Variants in KLRB1 observed in about 807,000 individuals in gnomAD.
KLRB1 encodes the protein killer cell lectin-like receptor subfamily B member 1.
Under a neutral mutation model 33.5 loss-of-function variants are expected in KLRB1, and 27 were observed. The observed-to-expected ratio is 0.81, with a 90% CI of 0.59 to 1.11. The LOEUF is 1.11. Among genes scored for constraint, KLRB1 ranks in the 50% most tolerant of loss-of-function variants. The pLI is 0.00. For synonymous variants in KLRB1, 64 were observed against 88.9 expected (o/e 0.72, Z 1.58); for missense variants, 241 against 254.1 (o/e 0.95, Z 0.35).
At chr12:9,599,743 A>C in intron 3 of KLRB1, 24 bp downstream of exon 3, 1 of 1,424,202 alleles carries the variant, frequency 7.0e-7, no homozygotes. Context: ...AGTTATTCTT[A>C]GGAAATTGAA....
intron 1 of KLRB1, among the ~76,000 whole-genome samples, chr12:9,607,355 C>CTTTCTTTCTTTCTTTCTTTCTTT (rs1555097796): frequency 6.4e-4 from 34 of 52,764 alleles, no homozygotes; most frequent in African/African-American, 1.3e-3. Flanking sequence ...TTTCTTTCTT[C>CTTTCTTTCTTTCTTTCTTTCTTT]CTTTCTTTCT....
At chr12:9,607,332 T>TCTTTCTTCCTTTCTTTCTTTCTTCC (rs1264714647) in intron 1 of KLRB1, among the ~76,000 whole-genome samples, 69 of 58,598 alleles carry the variant, frequency 1.2e-3, no homozygotes, top group South Asian at 5.3e-3. Context: ...TTTCTCTTTC[T>TCTTTCTTCCTTTCTTTCTTTCTTCC]TTCCTTTCTT....
intron 3 of KLRB1, 140 bp from the exon 4 acceptor site, chr12:9,598,793 T>C (rs1043630642): frequency 3.6e-6 from 2 of 558,104 alleles, no homozygotes; most frequent in Non-Finnish European, 3.0e-6. Flanking sequence ...GAATTTGTTA[T>C]AAAGTTGAGA....
Position 9,598,092 on chromosome 12 carries a change from C to G in KLRB1, c.484G>C (p.Glu162Gln). The G allele has an allele frequency of 6.3e-7, 1 of 1,596,302 alleles. No homozygotes were observed. ...CCGTTTATCCACTTCCAGTTCTTTTCTGATAATGAAAAATTTAATCCAATC... is the reference window on the plus strand; with the variant it reads ...CCGTTTATCCACTTCCAGTTCTTTTGTGATAATGAAAAATTTAATCCAATC... Reference protein sequence around the residue: ...FWIGLNFSLSEKNWKWINGSF... With the variant: ...FWIGLNFSLSQKNWKWINGSF... Residue 162 changes from glutamate (E) to glutamine (Q), a missense_variant, in exon 5 of 6, where the codon GAA (glutamate) becomes CAA (glutamine). Coordinates refer to ENST00000229402, the MANE Select transcript of KLRB1 (RefSeq NM_002258.3).
In KLRB1 at chr12:9,595,399, T is replaced by C. The variant is rs1217663083; in HGVS notation, c.553A>G (p.Lys185Glu). The C allele has an allele frequency of 6.2e-7, 1 of 1,612,846 alleles. No homozygotes were observed. The highest frequency in any genetic ancestry group is 1.1e-5 in the South Asian group (1 of 91,060). Residue 185 changes from lysine to glutamate, a missense_variant, in exon 6 of 6, where the codon AAA (lysine) becomes GAA (glutamate). Physicochemically the swap from Lys to Glu is moderately conservative, Grantham distance 56. Transcript: ENST00000229402. ...SNDLEIRGDA[K>E]ENSCISISQT... ...GAGATGGAAATACAGCTGTTTTCTT[T>C]AGCATCACCTCTAATTTCTAAGCTG...
intron 1 of KLRB1, among the ~76,000 whole-genome samples, chr12:9,602,001 T>G (rs1342125404): frequency 6.6e-6 from 1 of 152,212 alleles, no homozygotes; most frequent in Non-Finnish European, 1.5e-5. Context: ...AGTCAAGATA[T>G]TTTTTGAGGC....
intron 5 of KLRB1, among the ~76,000 whole-genome samples, chr12:9,596,169 C>T (rs1398841764): frequency 6.6e-6 from 1 of 152,080 alleles, no homozygotes; most frequent in Non-Finnish European, 1.5e-5. Flanking sequence ...GTGGTGGCAG[C>T]ATGCTGGGCT....
intron 1 of KLRB1, among the ~76,000 whole-genome samples, chr12:9,605,084 G>A (rs1016019739): frequency 6.6e-5 from 10 of 152,212 alleles, no homozygotes; most frequent in South Asian, 4.1e-4. Context: ...GAGAATATGC[G>A]GTGTTTGGCT....
rs904205390 is a variant in KLRB1 at position 9,607,886 on chromosome 12, C to A, written c.-47G>T. The A allele has an allele frequency of 4.4e-6, 6 of 1,356,528 alleles. No homozygotes were observed. Among genetic ancestry groups the A allele is most frequent in the African/African-American group, 1.4e-5 (1 of 69,692 alleles). 84.0% of individuals were successfully genotyped at this position (1,356,528 alleles called of 1,614,324 possible). Reference sequence around the variant, plus strand: ...TTAAACTTGTGTGTAAGAACAAACTCTCAATTCTGTGAGGCAAAATCAGCA... The same window carrying A: ...TTAAACTTGTGTGTAAGAACAAACTATCAATTCTGTGAGGCAAAATCAGCA... On this transcript the variant is annotated 5_prime_UTR_variant, in exon 1 of 6. Transcript: ENST00000229402.
rs1249217693 is a variant in KLRB1 at position 9,598,115 on chromosome 12, A to G, written c.461T>C (p.Ile154Thr). 6.3e-7 allele frequency: 1 copy of G among 1,599,974 alleles called. No individual in the cohort carries two copies. Among genetic ancestry groups the G allele is most frequent in the Non-Finnish European group, 8.5e-7 (1 of 1,175,276 alleles). ...LIRDKAILFW[I>T]GLNFSLSEKN... is the part of the protein sequence containing the mutation. The stretch of plus-strand genomic sequence containing the variant: ...TTCTGATAATGAAAAATTTAATCCA[A>G]TCCAAAACAGAATTGCTTTGTCACG... Residue 154 changes from isoleucine (I) to threonine (T), a missense_variant, in exon 5 of 6, where the codon ATT (isoleucine) becomes ACT (threonine). Physicochemically the swap from Ile to Thr is moderately conservative, Grantham distance 89 (BLOSUM62 -1). Coordinates refer to ENST00000229402, the MANE Select transcript of KLRB1 (RefSeq NM_002258.3).
chr12:9,604,001 C>CT (rs1405837759), intron 1 of KLRB1, among the ~76,000 whole-genome samples: 1 of 150,494 alleles, frequency 6.6e-6, no homozygotes, highest in Non-Finnish European at 1.5e-5. Flanking sequence ...AACAGCAGTT[C>CT]TTTTTTTCTA....
rs1491505010 is a variant in KLRB1, at chr12:9,607,335, C to CTTTCTTCCTTCCTTTCTTTCTTTCTTT, written c.85+419_85+420insAAAGAAAGAAAGAAAGGAAGGAAGAAA. 5.1e-4 allele frequency among the ~76,000 whole-genome samples: 33 copies of CTTTCTTCCTTCCTTTCTTTCTTTCTTT among 65,254 alleles called. 1 individual carries two copies. Among genetic ancestry groups the CTTTCTTCCTTCCTTTCTTTCTTTCTTT allele is most frequent in the Non-Finnish European group, 1.1e-3 (30 of 27,632 alleles). 42.8% of individuals were successfully genotyped at this position (65,254 alleles called of 152,430 possible). ...TTTCTTCTTTTCTTTCTCTTTCTTT[C>CTTTCTTCCTTCCTTTCTTTCTTTCTTT]CTTTCTTTCTTTCTTTCTTCCTTTC... On this transcript the variant is annotated intron_variant, in intron 1 of 5. Transcript: ENST00000229402.
chr12:9,607,332 T>TTTCCTTTCTTTCTTTC (rs1414649904), intron 1 of KLRB1, among the ~76,000 whole-genome samples: 27 of 58,682 alleles, frequency 4.6e-4, no homozygotes, highest in Non-Finnish European at 6.8e-4. Context: ...TTTCTCTTTC[T>TTTCCTTTCTTTCTTTC]TTCCTTTCTT....
At position 9,599,783 on chromosome 12, in the gene KLRB1, G is replaced by C; in HGVS notation, c.243C>G (p.Ser81Arg). ...IEKCSVDIQQSRNKTTERPGL... is the reference protein window; with the variant it reads ...IEKCSVDIQQRRNKTTERPGL... The stretch of plus-strand genomic sequence containing the variant: ...CACAATTACCTGTTGTTTTATTCCT[G>C]CTCTGTTGAATGTCCACACTGCATT... The change falls in exon 3 of 6, where the codon AGC (serine) becomes AGG (arginine). Residue 81 changes from serine (S) to arginine (R), a missense_variant. Transcript: ENST00000229402. 6.2e-7 allele frequency: 1 copy of C among 1,600,176 alleles called. No individual in the cohort carries two copies. The highest frequency in any genetic ancestry group is 8.6e-7 in the Non-Finnish European group (1 of 1,167,640).
At chr12:9,607,012 C>G (rs1331198302) in intron 1 of KLRB1, among the ~76,000 whole-genome samples, 1 of 151,596 alleles carries the variant, frequency 6.6e-6, no homozygotes, top group Middle Eastern at 3.2e-3. Context: ...CTTAGCCTAC[C>G]AAAGTGTTGG....
chr12:9,595,935 C>T (rs776997605), intron 5 of KLRB1, among the ~76,000 whole-genome samples: 16 of 152,144 alleles, frequency 1.1e-4, no homozygotes, highest in Non-Finnish European at 1.6e-4. Flanking sequence ...AAAAGTGGCT[C>T]AGTTCATGGT....
intron 5 of KLRB1, among the ~76,000 whole-genome samples, chr12:9,597,404 G>C (rs1459021650): frequency 1.1e-5 from 1 of 92,906 alleles, no homozygotes; most frequent in Non-Finnish European, 2.3e-5. Context: ...GCTAAAACAT[G>C]AAATTTGCCT....
rs1864628007 is a variant in KLRB1, at chr12:9,607,370, T to TTCTTTCTTTCTTTCTTTCTC, written c.85+384_85+385insGAGAAAGAAAGAAAGAAAGA. Among the ~76,000 whole-genome samples the TTCTTTCTTTCTTTCTTTCTC allele has an allele frequency of 9.4e-4, 81 of 86,464 alleles. 2 individuals carry two copies. The highest frequency in any genetic ancestry group is 2.1e-3 in the South Asian group (4 of 1,878). The allele number at this position is 86,464 out of a possible 152,430, so 56.7% of individuals were successfully genotyped here. A position where few individuals can be genotyped will look rare whatever the true frequency, so the allele number is the denominator to read the frequency against. On this transcript the variant is annotated intron_variant, in intron 1 of 5. Transcript: ENST00000229402. ...TTTCTTTCTTCCTTTCTTTCTTTCTTTCTTTCTTTCTTTCTTTCTTTCTTT... is the reference window on the plus strand; with the variant it reads ...TTTCTTTCTTCCTTTCTTTCTTTCTTTCTTTCTTTCTTTCTTTCTCTCTTTCTTTCTTTCTTTCTTTCTTT...
chr12:9,598,723 TCA>T, intron 3 of KLRB1, 70 bp from the exon 4 acceptor site: 48 of 1,039,492 alleles, frequency 4.6e-5, no homozygotes, highest in Admixed American at 6.2e-5. Context: ...CCACAACCAA[TCA>T]CACACACACA....
Sources: allele counts gnomAD v4.1 joint callset (sites outside exome capture counted in the v4.1 genomes callset), GRCh38; gene constraint gnomAD v4.1.1; transcripts MANE v1.5; gene names NCBI Gene and HGNC (gene_info 2026-07-23, HGNC 2026-07-21).